FBXO21: variants seen among roughly 807,000 people sequenced by gnomAD.
FBXO21 encodes F-box only protein 21.
Under a neutral mutation model 76.6 loss-of-function variants are expected in FBXO21, and 32 were observed. The observed-to-expected ratio is 0.42, with a 90% CI of 0.32 to 0.56. FBXO21 has a LOEUF of 0.56. FBXO21 is among the 20% of genes least tolerant of loss of function. The probability of loss-of-function intolerance (pLI) is 0.16; values close to 1 mark genes in which losing one functional copy is unlikely to be tolerated. For synonymous variants in FBXO21, 328 were observed against 311.5 expected, an observed-to-expected ratio of 1.05 and a Z score of -0.56; for missense variants, 586 against 797.3, an observed-to-expected ratio of 0.73 and a Z score of 3.19.
At chr12:117,180,571 ATC>A (rs530191012) in intron 3 of FBXO21, among the ~76,000 whole-genome samples, 1 of 152,034 alleles carries the variant, frequency 6.6e-6, no homozygotes, top group Non-Finnish European at 1.5e-5. Context: ...TTCATTCCAC[ATC>A]TCTCTCTCAT....
chr12:117,172,775 T>C (rs903524656), intron 6 of FBXO21, among the ~76,000 whole-genome samples, 168 bp from the exon 7 acceptor site: 1 of 152,202 alleles, frequency 6.6e-6, no homozygotes, highest in South Asian at 2.1e-4. Context: ...CTATGGTCCA[T>C]GGCAATTCCA....
chr12:117,174,848 A>G lies in FBXO21; in HGVS notation c.593-51T>C, dbSNP rs145131119. ...TAAATTCTCACGTTACCCTTTTCTT[A>G]TTAGTTTGCAATTTTACCCTGGACA... On this transcript the variant is annotated intron_variant, in intron 4 of 11. Coordinates refer to ENST00000622495, the MANE Select transcript of FBXO21 (RefSeq NM_015002.3). The G allele has an allele frequency of 2.2e-4, 348 of 1,584,990 alleles. 2 individuals are homozygous for G. The East Asian group carries it at 7.8e-3, about 35-fold the overall frequency.
intron 11 of FBXO21, among the ~76,000 whole-genome samples, chr12:117,146,526 A>T (rs1284623414): frequency 6.6e-6 from 1 of 152,166 alleles, no homozygotes; most frequent in Non-Finnish European, 1.5e-5. Flanking sequence ...CTCATCTCTA[A>T]GCAGGATGTC....
chr12:117,155,026 G>A (rs1416294445), intron 11 of FBXO21: 1 of 152,224 alleles, frequency 6.6e-6, no homozygotes, highest in Non-Finnish European at 1.5e-5. Context: ...ACATTAGAAT[G>A]ATGTCCGTCA....
chr12:117,165,279 G>A (rs1243909134), intron 9 of FBXO21, among the ~76,000 whole-genome samples: 1 of 152,142 alleles, frequency 6.6e-6, no homozygotes, highest in Non-Finnish European at 1.5e-5. Flanking sequence ...TGACCACAAA[G>A]AGAACAGGCA....
At chr12:117,170,471 T>C (rs978155796) in intron 7 of FBXO21, among the ~76,000 whole-genome samples, 23 of 152,186 alleles carry the variant, frequency 1.5e-4, no homozygotes, top group African/African-American at 5.3e-4. Context: ...TCCTACCAGA[T>C]ATCAGGGATA....
intron 3 of FBXO21, among the ~76,000 whole-genome samples, chr12:117,183,897 TCA>T (rs1268553558): frequency 8.5e-5 from 13 of 152,228 alleles, no homozygotes; most frequent in Non-Finnish European, 1.8e-4. Context: ...AGCTGGATAT[TCA>T]GTTATGTCCA....
chr12:117,172,705 T>C, intron 6 of FBXO21, 98 bp from the exon 7 acceptor site: 2 of 1,285,370 alleles, frequency 1.6e-6, no homozygotes, highest in African/African-American at 1.5e-5. Flanking sequence ...GCATTGGGCA[T>C]GATGCTCATT....
chr12:117,190,174 C>G, intron 1 of FBXO21, 44 bp downstream of exon 1: 1 of 1,130,882 alleles, frequency 8.8e-7, no homozygotes. Flanking sequence ...CCGGGGGGCG[C>G]GGGGCGGTGG....
rs111741611 is a variant in FBXO21 at position 117,178,872 on chromosome 12, C to T, written c.471-1231G>A. On this transcript the variant is annotated intron_variant, in intron 3 of 11. Coordinates refer to ENST00000622495, the MANE Select transcript of FBXO21 (RefSeq NM_015002.3). ...GTAACCAATTTCTTAGTGCCCATCT[C>T]GCCCACTACAGTATAAGCCCCATGA... Among the ~76,000 whole-genome samples, 705 of 152,260 alleles carry T rather than the reference C, an allele frequency of 4.6e-3. 9 individuals are homozygous for T. The highest frequency in any genetic ancestry group is 0.016 in the African/African-American group (671 of 41,530).
intron 1 of FBXO21, 100 bp from the exon 2 acceptor site, chr12:117,189,462 G>C: frequency 1.5e-6 from 2 of 1,290,874 alleles, no homozygotes; most frequent in Non-Finnish European, 2.2e-6. Flanking sequence ...GTGGCGTCCA[G>C]TGGTAAGAGG....
chr12:117,182,077 C>T (rs912250679), intron 3 of FBXO21, among the ~76,000 whole-genome samples: 4 of 152,354 alleles, frequency 2.6e-5, no homozygotes, highest in Admixed American at 6.5e-5. Flanking sequence ...ATGGAAACTA[C>T]ACTTTTTCCT....
chr12:117,157,899 G>A lies in FBXO21; in HGVS notation c.1491C>T (p.Ser497=). ...TCTTATGCTTCATAATGAGCCCGATGGAGTAGCAGACATCTCTGTGCTTCT... is the reference window on the plus strand; with the variant it reads ...TCTTATGCTTCATAATGAGCCCGATAGAGTAGCAGACATCTCTGTGCTTCT... ...SDEKHRDVCY[S]IGLIMKHKRY... is the part of the protein sequence containing the mutation. Residue 497 remains serine, a synonymous_variant, in exon 10 of 12, where the codon TCC becomes TCT. Coordinates refer to ENST00000622495, the MANE Select transcript of FBXO21 (RefSeq NM_015002.3). The A allele has an allele frequency of 6.2e-7, 1 of 1,611,072 alleles. No homozygotes were observed. Among genetic ancestry groups the A allele is most frequent in the Non-Finnish European group, 8.5e-7 (1 of 1,177,706 alleles).
intron 2 of FBXO21, among the ~76,000 whole-genome samples, chr12:117,187,192 G>T (rs556230999): frequency 1.3e-5 from 2 of 149,728 alleles, no homozygotes; most frequent in South Asian, 4.2e-4. Flanking sequence ...AGGCTGAGGT[G>T]GGCGGATCAC....
At chr12:117,181,759 C>G (rs1245470785) in intron 3 of FBXO21, among the ~76,000 whole-genome samples, 1 of 152,132 alleles carries the variant, frequency 6.6e-6, no homozygotes, top group Non-Finnish European at 1.5e-5. Flanking sequence ...AAGCGATTCT[C>G]TTGTTTCAGC....
intron 7 of FBXO21, among the ~76,000 whole-genome samples, chr12:117,168,856 T>C (rs1394027181): frequency 6.6e-6 from 1 of 152,230 alleles, no homozygotes; most frequent in Non-Finnish European, 1.5e-5. Context: ...GAAAAAGGAA[T>C]GCTTATACAC....
At chr12:117,172,698 T>C (rs1419335663) in intron 6 of FBXO21, 91 bp from the exon 7 acceptor site, 24 of 1,335,362 alleles carry the variant, frequency 1.8e-5, no homozygotes, top group African/African-American at 2.9e-5. Context: ...CTATTGTGCA[T>C]TGGGCATGAT....
At chr12:117,158,270 C>T (rs1407805502) in intron 9 of FBXO21, among the ~76,000 whole-genome samples, 2 of 152,150 alleles carry the variant, frequency 1.3e-5, no homozygotes, top group Non-Finnish European at 2.9e-5. Context: ...CAGGGTTGGG[C>T]TCTACTGTAA....
intron 11 of FBXO21, among the ~76,000 whole-genome samples, chr12:117,151,433 A>G (rs913118996): frequency 6.6e-6 from 1 of 152,208 alleles, no homozygotes; most frequent in Admixed American, 6.5e-5. Context: ...GTGATTTCTA[A>G]TTCACTCTTC....
Sources: gnomAD v4.1 joint callset for allele counts (sites outside exome capture counted in the v4.1 genomes callset) on GRCh38, gnomAD v4.1.1 for gene constraint, MANE v1.5 for transcripts, NCBI Gene and HGNC (gene_info 2026-07-23, HGNC 2026-07-21) for gene names.